The following CKAP5 variants were observed in gnomAD, a reference collection of about 807,000 sequenced individuals.
The protein encoded by CKAP5 is cytoskeleton associated protein 5.
Under a neutral mutation model 232.8 loss-of-function variants are expected in CKAP5, and 27 were observed. The observed-to-expected ratio is 0.12, with a 90% CI of 0.09 to 0.16. The LOEUF (loss-of-function observed/expected upper bound fraction) is 0.16. Ranked by LOEUF, CKAP5 falls within the 10% of genes least tolerant of loss-of-function variation. The pLI is 1.00. For synonymous variants in CKAP5, 785 were observed against 841.1 expected (o/e 0.93, Z 1.16); for missense variants, 1,838 against 2,424.7 (o/e 0.76, Z 5.08).
chr11:46,809,897 AAAT>A, intron 5 of CKAP5, 23 bp from the exon 6 acceptor site: 1 of 1,589,740 alleles, frequency 6.3e-7, no homozygotes, highest in Non-Finnish European at 8.5e-7. Context: ...TATAATATTT[AAAT>A]AATATCTGCA....
chr11:46,788,874 A>G (rs2065421813), intron 15 of CKAP5, 101 bp from the exon 16 acceptor site: 1 of 794,816 alleles, frequency 1.3e-6, no homozygotes, highest in Non-Finnish European at 2.1e-6. Context: ...TGAAGAAAGG[A>G]GTGGAATAGA....
intron 13 of CKAP5, among the ~76,000 whole-genome samples, chr11:46,793,665 G>A (rs2134643826): frequency 6.6e-6 from 1 of 152,380 alleles, no homozygotes; most frequent in East Asian, 1.9e-4. Context: ...GCTCATGCCT[G>A]TAATTCCAGC....
chr11:46,820,951 T>A, intron 2 of CKAP5: 1 of 498,692 alleles, frequency 2.0e-6, no homozygotes, highest in Admixed American at 3.7e-5. Context: ...TACCACTTAC[T>A]TTTCACTTCA....
chr11:46,793,525 C>T (rs561340559), intron 13 of CKAP5, among the ~76,000 whole-genome samples: 15 of 152,346 alleles, frequency 9.8e-5, no homozygotes, highest in African/African-American at 2.4e-4. Flanking sequence ...TGTGATCCAT[C>T]GGCATTATCA....
intron 27 of CKAP5, among the ~76,000 whole-genome samples, chr11:46,766,405 T>C (rs904097896): frequency 1.6e-4 from 25 of 152,160 alleles, no homozygotes; most frequent in Admixed American, 1.1e-3. Flanking sequence ...AACAACGTCA[T>C]TGGATAGTTG....
At chr11:46,785,455 A>C (rs1764876403) in intron 16 of CKAP5, among the ~76,000 whole-genome samples, 1 of 152,104 alleles carries the variant, frequency 6.6e-6, no homozygotes. Context: ...CCTCGCAAGT[A>C]GCTGGGATTA....
At chr11:46,807,521 A>G (rs781421298) in intron 8 of CKAP5, among the ~76,000 whole-genome samples, 1 of 152,246 alleles carries the variant, frequency 6.6e-6, no homozygotes, top group Non-Finnish European at 1.5e-5. Context: ...AAAAGTTACT[A>G]CATACAAAAT....
intron 26 of CKAP5, among the ~76,000 whole-genome samples, chr11:46,768,839 A>G (rs1479191322): frequency 6.6e-6 from 1 of 152,198 alleles, no homozygotes; most frequent in East Asian, 1.9e-4. Flanking sequence ...CTATTCCACT[A>G]AATTCAAGAA....
intron 3 of CKAP5, among the ~76,000 whole-genome samples, chr11:46,816,902 T>C (rs1592478689): frequency 6.8e-6 from 1 of 147,442 alleles, no homozygotes; most frequent in South Asian, 2.2e-4. Context: ...AGGTCAGGAG[T>C]TCAAGACCAG....
In CKAP5 at chr11:46,780,375, T is replaced by C. The variant is rs942022421; in HGVS notation, c.2307+53A>G. The C allele has an allele frequency of 2.5e-6, 4 of 1,613,674 alleles. No individual in the cohort carries two copies. The Admixed American group carries it at 5.0e-5, about 20-fold the overall frequency. ...ATCACAAAGATGGCAATAATAACTT[T>C]TTAAATCCACAAAGATGGCAATACT... On this transcript the variant is annotated intron_variant, in intron 19 of 43. Transcript: ENST00000529230.
Position 46,753,590 on chromosome 11 carries a change from T to C in CKAP5, c.4870-93A>G. 3.0e-6 allele frequency: 3 copies of C among 1,011,590 alleles called. No individual in the cohort carries two copies. The South Asian group carries it at 5.1e-5, about 17-fold the overall frequency. The allele number at this position is 1,011,590 out of a possible 1,614,324, so 62.7% of individuals were successfully genotyped here. ...ATATTCTGATAAATATTCAATTATG[T>C]TGTATTTTTTTTTTGAGACGGAGTC... On this transcript the variant is annotated intron_variant, in intron 36 of 43. Transcript: ENST00000529230.
intron 25 of CKAP5, 69 bp downstream of exon 25, chr11:46,770,719 G>A (rs1473474210): frequency 2.8e-6 from 4 of 1,441,062 alleles, no homozygotes; most frequent in Admixed American, 1.8e-5. Flanking sequence ...GTGAGCCACC[G>A]TGCCAGGCCC....
intron 7 of CKAP5, among the ~76,000 whole-genome samples, chr11:46,808,472 C>A (rs986273431): frequency 6.6e-6 from 1 of 152,066 alleles, no homozygotes; most frequent in South Asian, 2.1e-4. Flanking sequence ...ACCCGGGAGG[C>A]GGAGCTTGCA....
intron 1 of CKAP5, among the ~76,000 whole-genome samples, chr11:46,837,939 T>C (rs1286855008): frequency 6.6e-6 from 1 of 152,144 alleles, no homozygotes; most frequent in Non-Finnish European, 1.5e-5. Flanking sequence ...AAACAGTGAC[T>C]TCCCTTCAAA....
chr11:46,830,492 C>T (rs1050775005), intron 1 of CKAP5, among the ~76,000 whole-genome samples: 5 of 148,952 alleles, frequency 3.4e-5, no homozygotes, highest in Non-Finnish European at 7.4e-5. Context: ...AAGATGGCCA[C>T]AGGCCTAGGA....
intron 38 of CKAP5, among the ~76,000 whole-genome samples, chr11:46,752,063 T>C (rs1429690133): frequency 6.6e-6 from 1 of 150,632 alleles, no homozygotes; most frequent in Non-Finnish European, 1.5e-5. Context: ...GTAAAATATT[T>C]ACAAAATATT....
intron 15 of CKAP5, 26 bp from the exon 16 acceptor site, chr11:46,788,799 G>C (rs370335078): frequency 6.7e-7 from 1 of 1,501,714 alleles, no homozygotes; most frequent in Non-Finnish European, 9.2e-7. Flanking sequence ...GAGAATAAGA[G>C]TTTAAGGGTT....
At position 46,744,249 on chromosome 11, in the gene CKAP5, G is replaced by C. The variant is rs147465744; in HGVS notation, c.5873C>G (p.Pro1958Arg). The C allele has an allele frequency of 2.5e-5, 41 of 1,614,006 alleles. No individual in the cohort carries two copies. Among genetic ancestry groups the C allele is most frequent in the Non-Finnish European group, 3.2e-5 (38 of 1,180,032 alleles). Residue 1958 changes from proline (P) to arginine (R), a missense_variant, in exon 44 of 44, where the codon CCT (proline) becomes CGT (arginine). Transcript: ENST00000529230. ...TGGTTTGGAGAGCAAAGAGGTCAAA[G>C]GAGGTCGGTCATCTTGCTATTGAGA... ...LDNTKQDDRP[P>R]LTSLLSKPAV...
At chr11:46,820,076 C>T (rs1939492854) in intron 2 of CKAP5, among the ~76,000 whole-genome samples, 1 of 152,014 alleles carries the variant, frequency 6.6e-6, no homozygotes, top group Non-Finnish European at 1.5e-5. Flanking sequence ...ATCGGAAAGT[C>T]TAAGATTTAT....
Sources: gnomAD v4.1 joint callset for allele counts (sites outside exome capture counted in the v4.1 genomes callset) on GRCh38, gnomAD v4.1.1 for gene constraint, MANE v1.5 for transcripts, NCBI Gene and HGNC (gene_info 2026-07-23, HGNC 2026-07-21) for gene names.